The following EEF2K variants were observed in gnomAD, a reference collection of about 807,000 sequenced individuals.
EEF2K encodes the protein alternative protein EEF2K.
Under a neutral mutation model 93.8 loss-of-function variants are expected in EEF2K, and 70 were observed. The ratio of observed to expected loss-of-function variants is 0.75; its 90% CI spans 0.62 to 0.91. The LOEUF (loss-of-function observed/expected upper bound fraction) is 0.91. EEF2K is among the 40% of genes least tolerant of loss of function. The probability of loss-of-function intolerance (pLI) is 0.00; values close to 1 mark genes in which losing one functional copy is unlikely to be tolerated. For missense variants in EEF2K, 935 were observed against 972.9 expected (o/e 0.96, Z 0.52); for synonymous variants, 376 against 380.8 (o/e 0.99, Z 0.15).
chr16:22,263,923 C>T (rs1347358831), intron 12 of EEF2K, among the ~76,000 whole-genome samples: 2 of 152,146 alleles, frequency 1.3e-5, no homozygotes, highest in East Asian at 3.9e-4. Context: ...GAGGTCTTAC[C>T]CTGTGCTGAA....
intron 1 of EEF2K, among the ~76,000 whole-genome samples, chr16:22,209,422 C>G (rs1328905224): frequency 6.6e-6 from 1 of 152,144 alleles, no homozygotes; most frequent in Non-Finnish European, 1.5e-5. Context: ...GTTGCCGGGA[C>G]TCTGGGAGCT....
chr16:22,283,107 G>A (rs1203741639), intron 17 of EEF2K, among the ~76,000 whole-genome samples: 3 of 152,184 alleles, frequency 2.0e-5, no homozygotes, highest in Non-Finnish European at 2.9e-5. Flanking sequence ...TCAGGAGATC[G>A]AGACCAGGCT....
chr16:22,207,679 C>T (rs1036315299), intron 1 of EEF2K, among the ~76,000 whole-genome samples: 1 of 152,070 alleles, frequency 6.6e-6, no homozygotes, highest in African/African-American at 2.4e-5. Flanking sequence ...AATTGAGTCA[C>T]GTAGTCTATC....
chr16:22,283,914 C>CA lies in EEF2K; in HGVS notation c.2097dup (p.Ala700SerfsTer18), dbSNP rs1427821512. 1.3e-6 allele frequency: 2 copies of CA among 1,599,676 alleles called. No individual in the cohort carries two copies. Among genetic ancestry groups the CA allele is most frequent in the Non-Finnish European group, 1.7e-6 (2 of 1,173,436 alleles). ...GACTTGTATACCCAGGCAGCAGAGGCAGCGATGGAAGCCATGAAGGGCCGA... is the reference window on the plus strand; with the variant it reads ...GACTTGTATACCCAGGCAGCAGAGGCAAGCGATGGAAGCCATGAAGGGCCGA... On this transcript the variant is annotated frameshift_variant, in exon 18 of 18. Coordinates refer to ENST00000263026, the MANE Select transcript of EEF2K (RefSeq NM_013302.5). LOFTEE classifies it high-confidence loss of function.
At chr16:22,218,342 T>C (rs2142102006) in intron 1 of EEF2K, among the ~76,000 whole-genome samples, 1 of 152,358 alleles carries the variant, frequency 6.6e-6, no homozygotes, top group African/African-American at 2.4e-5. Context: ...GTGTGTGCAT[T>C]GGCCAGCTCG....
intron 8 of EEF2K, 115 bp downstream of exon 8, chr16:22,257,500 C>T (rs2047415018): frequency 1.3e-6 from 2 of 1,545,706 alleles, no homozygotes; most frequent in Non-Finnish European, 1.7e-6. Flanking sequence ...TTTTCAAGAT[C>T]ATGGAGATGG....
At chr16:22,208,957 C>A (rs139298645) in intron 1 of EEF2K, among the ~76,000 whole-genome samples, 1 of 152,116 alleles carries the variant, frequency 6.6e-6, no homozygotes, top group South Asian at 2.1e-4. Context: ...AAACCTCTCA[C>A]TCTTTCCTTA....
chr16:22,265,512 C>A (rs1374340934), intron 13 of EEF2K, among the ~76,000 whole-genome samples: 3 of 152,226 alleles, frequency 2.0e-5, no homozygotes, highest in Non-Finnish European at 4.4e-5. Context: ...GGAGCCTTCC[C>A]TGGCCTCCAC....
intron 1 of EEF2K, among the ~76,000 whole-genome samples, chr16:22,224,868 G>A (rs568334321): frequency 3.3e-5 from 5 of 151,992 alleles, no homozygotes; most frequent in East Asian, 1.9e-4. Flanking sequence ...CAGCAGAATC[G>A]CTTGAACCTG....
At chr16:22,253,636 C>G (rs2047372260) in intron 6 of EEF2K, among the ~76,000 whole-genome samples, 1 of 152,086 alleles carries the variant, frequency 6.6e-6, no homozygotes. Context: ...TCCCTCTGCC[C>G]CAGTCACCTC....
intron 2 of EEF2K, among the ~76,000 whole-genome samples, chr16:22,238,118 G>A (rs977088748): frequency 6.6e-6 from 1 of 152,062 alleles, no homozygotes; most frequent in African/African-American, 2.4e-5. Context: ...GGTGAAACCT[G>A]ATCTCTACTA....
chr16:22,276,160 G>C (rs1157962374), intron 16 of EEF2K, among the ~76,000 whole-genome samples: 1 of 151,392 alleles, frequency 6.6e-6, no homozygotes, highest in Non-Finnish European at 1.5e-5. Context: ...TGCCCAGGCT[G>C]GTCTCAAACT....
chr16:22,263,880 G>C (rs1157196222), intron 12 of EEF2K, among the ~76,000 whole-genome samples: 1 of 152,174 alleles, frequency 6.6e-6, no homozygotes, highest in Non-Finnish European at 1.5e-5. Context: ...CAGCATCCTG[G>C]TGAGGGCAAC....
chr16:22,238,536 C>A (rs1163037684), intron 2 of EEF2K, among the ~76,000 whole-genome samples: 1 of 151,776 alleles, frequency 6.6e-6, no homozygotes, highest in Non-Finnish European at 1.5e-5. Flanking sequence ...GTCCCAGCTA[C>A]CTGGGAGGCT....
At chr16:22,273,462 G>A (rs1325495905) in intron 15 of EEF2K, among the ~76,000 whole-genome samples, 164 bp from the exon 16 acceptor site, 1 of 152,090 alleles carries the variant, frequency 6.6e-6, no homozygotes, top group East Asian at 1.9e-4. Flanking sequence ...TCCAGTGTCT[G>A]AGCCAAGCCT....
Position 22,273,703 on chromosome 16 carries a change from C to T in EEF2K, c.1842C>T (p.Ile614=). ...AAEAGDRQSM[I]LVARAFDSGQ... ...AAGCTGGCGACAGGCAGTCCATGAT[C>T]CTAGTGGCGCGAGCTTTTGACTCTG... Residue 614 remains isoleucine, a synonymous_variant, in exon 16 of 18, where the codon ATC becomes ATT. Transcript: ENST00000263026. The T allele has an allele frequency of 6.2e-7, 1 of 1,614,112 alleles. No homozygotes were observed. Among genetic ancestry groups the T allele is most frequent in the Non-Finnish European group, 8.5e-7 (1 of 1,180,004 alleles).
chr16:22,284,032 G>A lies in EEF2K; in HGVS notation c.*36G>A. On this transcript the variant is annotated 3_prime_UTR_variant, in exon 18 of 18. Coordinates refer to ENST00000263026, the MANE Select transcript of EEF2K (RefSeq NM_013302.5). ...CACTGCCGGCTAGTCCCAAGCAAAC[G>A]GGCTAGGAGGAAAGATTAAAAAAAC... The A allele has an allele frequency of 1.3e-6, 2 of 1,506,228 alleles. No homozygotes were observed. The highest frequency in any genetic ancestry group is 1.8e-6 in the Non-Finnish European group (2 of 1,111,902). 93.3% of individuals were successfully genotyped at this position (1,506,228 alleles called of 1,614,324 possible).
chr16:22,258,905 A>G (rs1217626859), intron 10 of EEF2K: 1 of 556,704 alleles, frequency 1.8e-6, no homozygotes, highest in Non-Finnish European at 3.0e-6. Context: ...GAAACAAAGT[A>G]ACTTTTATCA....
At chr16:22,252,888 T>A (rs1017560773) in intron 6 of EEF2K, among the ~76,000 whole-genome samples, 1 of 152,150 alleles carries the variant, frequency 6.6e-6, no homozygotes, top group Admixed American at 6.5e-5. Context: ...GTGAGACTTA[T>A]TCACTATCAT....
Sources: gnomAD v4.1 joint callset for allele counts (sites outside exome capture counted in the v4.1 genomes callset) on GRCh38, gnomAD v4.1.1 for gene constraint, MANE v1.5 for transcripts, NCBI Gene and HGNC (gene_info 2026-07-23, HGNC 2026-07-21) for gene names.